Variants in ASXL3 observed in about 807,000 individuals in gnomAD.
ASXL3 encodes the protein ASXL transcriptional regulator 3.
A neutral mutation model predicts 170.6 loss-of-function variants in ASXL3; 34 were observed. The ratio of observed to expected loss-of-function variants is 0.20; its 90% confidence interval spans 0.15 to 0.27. ASXL3 has a LOEUF of 0.27. ASXL3 is among the 10% of genes least tolerant of loss of function. The pLI, the probability that ASXL3 is intolerant of heterozygous loss-of-function variation, is 1.00. For missense variants in ASXL3, 2,592 were observed against 2,695.3 expected (o/e 0.96, Z 0.85); for synonymous variants, 1,002 against 989.1 (o/e 1.01, Z -0.24).
chr18:33,710,934 A>T (rs997134045), intron 8 of ASXL3, among the ~76,000 whole-genome samples: 1 of 152,200 alleles, frequency 6.6e-6, no homozygotes, highest in African/African-American at 2.4e-5. Context: ...ATGTTATGAT[A>T]AAATAAATTT....
intron 1 of ASXL3, among the ~76,000 whole-genome samples, chr18:33,594,978 G>C (rs2065112530): frequency 6.6e-6 from 1 of 152,030 alleles, no homozygotes; most frequent in Non-Finnish European, 1.5e-5. Context: ...AAACCATTAT[G>C]GTAAATATTT....
At chr18:33,649,502 T>C (rs1032411646) in intron 4 of ASXL3, 1 of 152,134 alleles carries the variant, frequency 6.6e-6, no homozygotes, top group East Asian at 1.9e-4. Flanking sequence ...TCTGACAGCA[T>C]TAAGGACATT....
chr18:33,591,339 A>G (rs1254791212), intron 1 of ASXL3, among the ~76,000 whole-genome samples: 4 of 152,114 alleles, frequency 2.6e-5, no homozygotes, highest in Non-Finnish European at 4.4e-5. Flanking sequence ...GATGTTTTTC[A>G]TGCTCTGTCC....
At chr18:33,642,900 G>A (rs574984051) in intron 2 of ASXL3, among the ~76,000 whole-genome samples, 1 of 151,946 alleles carries the variant, frequency 6.6e-6, no homozygotes, top group Admixed American at 6.6e-5. Context: ...AATCTGTATT[G>A]TTATTTAACG....
intron 6 of ASXL3, 53 bp downstream of exon 6, chr18:33,670,843 C>A: frequency 8.3e-7 from 1 of 1,204,304 alleles, no homozygotes; most frequent in Non-Finnish European, 1.1e-6. Flanking sequence ...GAGGAGACTT[C>A]CTCACTGAAA....
intron 1 of ASXL3, among the ~76,000 whole-genome samples, chr18:33,579,605 T>C (rs1048470100): frequency 6.6e-6 from 1 of 152,174 alleles, no homozygotes; most frequent in Admixed American, 6.6e-5. Context: ...GTTTTTCTTT[T>C]CTTTCTTTCT....
At chr18:33,679,479 T>C (rs1013644461) in intron 7 of ASXL3, among the ~76,000 whole-genome samples, 6 of 152,134 alleles carry the variant, frequency 3.9e-5, no homozygotes, top group African/African-American at 1.2e-4. Flanking sequence ...GTCTTGCTGC[T>C]CTTTCTTTTG....
chr18:33,661,533 C>A (rs9304126), intron 4 of ASXL3, 83 bp from the exon 5 acceptor site: 1 of 1,349,252 alleles, frequency 7.4e-7, no homozygotes, highest in African/African-American at 1.5e-5. Context: ...TTTTCAATTG[C>A]AGAAAAGCTC....
intron 8 of ASXL3, among the ~76,000 whole-genome samples, chr18:33,702,175 G>A (rs749971811): frequency 1.1e-4 from 16 of 151,988 alleles, no homozygotes; most frequent in Admixed American, 2.6e-4. Context: ...TGCCTACTTC[G>A]AAAACCTTTT....
intron 8 of ASXL3, among the ~76,000 whole-genome samples, chr18:33,711,278 CT>C (rs993264810): frequency 6.6e-6 from 1 of 152,008 alleles, no homozygotes; most frequent in Non-Finnish European, 1.5e-5. Context: ...TTTGCTTTCT[CT>C]TTTTTATGCG....
intron 3 of ASXL3, among the ~76,000 whole-genome samples, 199 bp from the exon 4 acceptor site, chr18:33,646,046 A>C (rs2065908871): frequency 1.3e-5 from 2 of 152,018 alleles, no homozygotes; most frequent in Non-Finnish European, 2.9e-5. Flanking sequence ...ATTTATCCAA[A>C]AAAAAAATCA....
At chr18:33,653,329 C>T (rs202071074) in intron 4 of ASXL3, among the ~76,000 whole-genome samples, 72 of 152,142 alleles carry the variant, frequency 4.7e-4, no homozygotes, top group African/African-American at 1.6e-3. Context: ...AAGGATATTC[C>T]TTCTATGCCT....
intron 8 of ASXL3, among the ~76,000 whole-genome samples, chr18:33,702,123 A>C (rs113164308): frequency 1.4e-4 from 22 of 152,226 alleles, no homozygotes; most frequent in Admixed American, 4.6e-4. Context: ...TCCTTAATTT[A>C]TGTAAACATG....
intron 8 of ASXL3, among the ~76,000 whole-genome samples, chr18:33,709,405 GATAA>G (rs1323952231): frequency 1.3e-5 from 2 of 151,998 alleles, no homozygotes; most frequent in Admixed American, 6.5e-5. Flanking sequence ...CAGCATAATG[GATAA>G]ATAAATTGCT....
chr18:33,745,089 T>C lies in ASXL3; in HGVS notation c.5241T>C (p.Asn1747=). ...GTCTGTCCTCTGTGGAGGCTAACAATCCGCTGGTGACGCAGTTACTACAGG... is the reference window on the plus strand; with the variant it reads ...GTCTGTCCTCTGTGGAGGCTAACAACCCGCTGGTGACGCAGTTACTACAGG... ...GCRLSSVEAN[N]PLVTQLLQGN... The change falls in exon 12 of 12, where the codon AAT becomes AAC. Residue 1747 remains asparagine (N), a synonymous_variant. Coordinates refer to ENST00000269197, the MANE Select transcript of ASXL3 (RefSeq NM_030632.3). The C allele has an allele frequency of 2.5e-6, 4 of 1,613,952 alleles. No individual in the cohort carries two copies. Among genetic ancestry groups the C allele is most frequent in the Non-Finnish European group, 3.4e-6 (4 of 1,179,882 alleles).
intron 7 of ASXL3, among the ~76,000 whole-genome samples, chr18:33,673,529 C>A: frequency 1.3e-5 from 2 of 152,008 alleles, no homozygotes; most frequent in East Asian, 3.9e-4. Flanking sequence ...CCATGCCCAG[C>A]TAATTTTTGT....
At chr18:33,702,472 G>C (rs1383927943) in intron 8 of ASXL3, among the ~76,000 whole-genome samples, 1 of 152,094 alleles carries the variant, frequency 6.6e-6, no homozygotes, top group Non-Finnish European at 1.5e-5. Context: ...CACAGCCTTG[G>C]TTGGCCATGA....
chr18:33,583,705 G>C (rs568582357), intron 1 of ASXL3, among the ~76,000 whole-genome samples: 2 of 152,164 alleles, frequency 1.3e-5, no homozygotes, highest in African/African-American at 4.8e-5. Context: ...TTTCTTAGAT[G>C]CCAGAAATGA....
chr18:33,673,042 T>C (rs974932078), intron 7 of ASXL3, among the ~76,000 whole-genome samples: 1 of 152,238 alleles, frequency 6.6e-6, no homozygotes, highest in East Asian at 1.9e-4. Flanking sequence ...TACTTACCTG[T>C]ACATGGACAT....
Sources: allele counts gnomAD v4.1 joint callset (sites outside exome capture counted in the v4.1 genomes callset), GRCh38; gene constraint gnomAD v4.1.1; transcripts MANE v1.5; gene names NCBI Gene and HGNC (gene_info 2026-07-23, HGNC 2026-07-21).